Variants in BLTP1 observed in about 807,000 individuals in gnomAD.
The protein encoded by BLTP1 is bridge-like lipid transfer protein family member 1.
At chr4:122,173,141 A>G in the BLTP1 span, 1 of 1,610,758 alleles carries the variant, frequency 6.2e-7, no homozygotes, top group Non-Finnish European at 8.5e-7. Context: ...AAGCATGGCT[A>G]TATCCATATT....
the BLTP1 span, chr4:122,313,604 A>AT: frequency 1.3e-6 from 2 of 1,562,678 alleles, no homozygotes; most frequent in South Asian, 1.2e-5. Flanking sequence ...ATTGAAAACT[A>AT]TTTTTGGGGT....
the BLTP1 span, chr4:122,314,231 T>C: frequency 2.0e-5 from 11 of 554,032 alleles, no homozygotes; most frequent in Non-Finnish European, 9.2e-6. Context: ...ACATGAATCA[T>C]GATGTTAAAG....
At chr4:122,316,505 G>C in the BLTP1 span, 1 of 532,844 alleles carries the variant, frequency 1.9e-6, no homozygotes, top group Non-Finnish European at 3.7e-6. Flanking sequence ...CCTCAGTCTA[G>C]CCAGTCCCAT....
the BLTP1 span, chr4:122,277,455 A>C: frequency 1.0e-6 from 1 of 983,628 alleles, no homozygotes; most frequent in Non-Finnish European, 1.2e-6. Flanking sequence ...GTAGTGGTAG[A>C]AGTCATTCTT....
chr4:122,216,085 GTCTATCTATCTATCTATCTA>G, the BLTP1 span, among the ~76,000 whole-genome samples: 1,124 of 144,496 alleles, frequency 7.8e-3, 8 homozygotes, highest in African/African-American at 0.013. Context: ...ATCTTTGTCT[GTCTATCTATCTATCTATCTA>G]TCTATCTATC....
At chr4:122,322,646 G>A in the BLTP1 span, among the ~76,000 whole-genome samples, 1 of 152,176 alleles carries the variant, frequency 6.6e-6, no homozygotes, top group African/African-American at 2.4e-5. Context: ...GTGAGGTAAT[G>A]TTAAGGTGTC....
At chr4:122,207,007 C>A in the BLTP1 span, 1 of 1,122,384 alleles carries the variant, frequency 8.9e-7, no homozygotes, top group Non-Finnish European at 1.3e-6. Context: ...TTTAGTTACA[C>A]AAAAGAAAAA....
At chr4:122,170,831 G>A in the BLTP1 span, 5 of 763,370 alleles carry the variant, frequency 6.5e-6, no homozygotes, top group Non-Finnish European at 1.0e-5. Context: ...GACTGAAGTT[G>A]GAACACTAAC....
At chr4:122,201,086 C>T in the BLTP1 span, 2 of 1,613,454 alleles carry the variant, frequency 1.2e-6, no homozygotes, top group East Asian at 2.2e-5. Context: ...TTTATAAAGC[C>T]ACTTACCACT....
chr4:122,281,226 T>C, the BLTP1 span: 1 of 782,982 alleles, frequency 1.3e-6, no homozygotes, highest in Non-Finnish European at 1.5e-6. Context: ...TAGCGTGTAA[T>C]AGTTAAGTGA....
the BLTP1 span, among the ~76,000 whole-genome samples, chr4:122,231,002 T>C: frequency 6.6e-6 from 1 of 152,130 alleles, no homozygotes; most frequent in East Asian, 1.9e-4. Context: ...AAAGATCCTT[T>C]TAAACAAATG....
the BLTP1 span, chr4:122,304,968 A>G: frequency 1.7e-5 from 28 of 1,613,708 alleles, no homozygotes; most frequent in Admixed American, 3.3e-5. Flanking sequence ...CATTAGGACA[A>G]ATTGTCAAAC....
chr4:122,252,408 G>A, the BLTP1 span, among the ~76,000 whole-genome samples: 1 of 152,290 alleles, frequency 6.6e-6, no homozygotes, highest in Non-Finnish European at 1.5e-5. Context: ...CCCTGGGTCA[G>A]CAGGGAGCCC....
chr4:122,162,667 A>G, the BLTP1 span: 16 of 985,008 alleles, frequency 1.6e-5, no homozygotes, highest in Non-Finnish European at 1.8e-5. Flanking sequence ...ATTAACACAA[A>G]TTAAATGTTA....
chr4:122,334,815 G>C, the BLTP1 span, among the ~76,000 whole-genome samples: 1 of 151,966 alleles, frequency 6.6e-6, no homozygotes, highest in Non-Finnish European at 1.5e-5. Context: ...TATATAAAAA[G>C]AGTAGTTTTA....
the BLTP1 span, chr4:122,262,975 C>T: frequency 1.2e-5 from 20 of 1,613,404 alleles, no homozygotes; most frequent in Admixed American, 6.7e-5. Context: ...AGCTCCCTAA[C>T]GAGAACAGGT....
chr4:122,320,211 C>A, the BLTP1 span, among the ~76,000 whole-genome samples: 14 of 152,150 alleles, frequency 9.2e-5, no homozygotes, highest in South Asian at 1.7e-3. Flanking sequence ...TGCAGTGGTG[C>A]AATCATAGCT....
chr4:122,259,971 C>A, the BLTP1 span: 17,583 of 828,186 alleles, frequency 0.021, 1,200 homozygotes, highest in African/African-American at 0.21. Context: ...CTACACAGAA[C>A]AAAGTAATAT....
chr4:122,300,471 C>T, the BLTP1 span, among the ~76,000 whole-genome samples: 2 of 152,058 alleles, frequency 1.3e-5, no homozygotes, highest in African/African-American at 4.8e-5. Context: ...ATGTCCTTGT[C>T]TCTCTTTTCT....
Sources: allele counts gnomAD v4.1 joint callset (sites outside exome capture counted in the v4.1 genomes callset), GRCh38; gene constraint gnomAD v4.1.1; transcripts MANE v1.5; gene names NCBI Gene and HGNC (gene_info 2026-07-23, HGNC 2026-07-21).